WASHC2A: variants seen among roughly 807,000 people sequenced by gnomAD.
The protein encoded by WASHC2A is WASH complex subunit FAM21A.
In WASHC2A, 82 loss-of-function variants were observed where a neutral mutation model predicts 140.3. The observed-to-expected ratio is 0.58, with a 90% CI of 0.49 to 0.70. The LOEUF is 0.70. WASHC2A is among the 30% of genes least tolerant of loss of function. WASHC2A has a pLI of 0.00. For synonymous variants in WASHC2A, 340 were observed against 560.8 expected, an observed-to-expected ratio of 0.61 and a Z score of 5.56; for missense variants, 985 against 1,521.8, an observed-to-expected ratio of 0.65 and a Z score of 5.87.
At chr10:50,106,539 T>C (rs1400123604) in intron 19 of WASHC2A, 74 bp downstream of exon 19, 3 of 1,591,128 alleles carry the variant, frequency 1.9e-6, no homozygotes, top group African/African-American at 2.7e-5. Context: ...CCCAAGTCTT[T>C]TTCTACCTGT....
At chr10:50,083,305 T>C (rs1554880146) in intron 5 of WASHC2A, among the ~76,000 whole-genome samples, 1 of 116,948 alleles carries the variant, frequency 8.6e-6, no homozygotes, top group Non-Finnish European at 1.7e-5. Flanking sequence ...CGGCCTAATC[T>C]ATTTTTATAT....
Position 50,127,444 on chromosome 10 carries a change from T to A in WASHC2A, c.2875-139T>A. On this transcript the variant is annotated intron_variant, in intron 27 of 30. Transcript: ENST00000282633. ...AGACGCTCTGTTTTAATTCTGAGAC[T>A]AGATCGGGCGATTTTCCTACGTTTC... 3 of 1,599,150 alleles carry A rather than the reference T, an allele frequency of 1.9e-6. No individual in the cohort carries two copies. In the East Asian group the frequency reaches 6.7e-5, roughly 36 times the overall value.
intron 30 of WASHC2A, 138 bp from the exon 31 acceptor site, chr10:50,132,668 G>A: frequency 7.1e-7 from 1 of 1,417,368 alleles, no homozygotes; most frequent in South Asian, 1.2e-5. Context: ...AATCTAAGAG[G>A]CTTGAGTTCT....
chr10:50,100,467 G>A (rs1380605642), intron 17 of WASHC2A, among the ~76,000 whole-genome samples: 1 of 152,212 alleles, frequency 6.6e-6, no homozygotes, highest in Non-Finnish European at 1.5e-5. Context: ...GGGCGACAGA[G>A]CGAGACTTCA....
rs1206436267 is a variant in WASHC2A at position 50,133,479 on chromosome 10, G to A, written c.*534G>A. On this transcript the variant is annotated 3_prime_UTR_variant, in exon 31 of 31. Coordinates refer to ENST00000282633, the MANE Select transcript of WASHC2A (RefSeq NM_001005751.3). Reference sequence around the variant, plus strand: ...TGTGGCCCCCCCACTGTCATATTTTGTTAATAAAATTTTATTGGAACACAA... The same window carrying A: ...TGTGGCCCCCCCACTGTCATATTTTATTAATAAAATTTTATTGGAACACAA... The A allele has an allele frequency of 2.1e-6, 1 of 469,320 alleles. No individual in the cohort carries two copies. The highest frequency in any genetic ancestry group is 4.4e-6 in the Non-Finnish European group (1 of 227,128). The allele number at this position is 469,320 out of a possible 1,614,324, so 29.1% of individuals were successfully genotyped here. A position where few individuals can be genotyped will look rare whatever the true frequency, so the allele number is the denominator to read the frequency against.
Position 50,110,750 on chromosome 10 carries a change from G to A in WASHC2A, c.2039+480G>A, listed in dbSNP as rs1310127032. Among the ~76,000 whole-genome samples the A allele has an allele frequency of 7.7e-4, 116 of 151,478 alleles. 1 individual carries two copies. The highest frequency in any genetic ancestry group is 9.1e-4 in the Non-Finnish European group (62 of 67,798). Reference sequence around the variant, plus strand: ...TACTAAAAAAATATAAAAATTAGCCGGGTGTGGTGGCACGCGCCTGTAGTC... The same window carrying A: ...TACTAAAAAAATATAAAAATTAGCCAGGTGTGGTGGCACGCGCCTGTAGTC... On this transcript the variant is annotated intron_variant, in intron 20 of 30. Coordinates refer to ENST00000282633, the MANE Select transcript of WASHC2A (RefSeq NM_001005751.3).
chr10:50,095,284 G>T, intron 14 of WASHC2A, 77 bp downstream of exon 14: 1 of 1,301,128 alleles, frequency 7.7e-7, no homozygotes. Flanking sequence ...ATCTTCTAAA[G>T]TCTGGCTGGA....
chr10:50,076,597 C>T (rs1464676898), intron 3 of WASHC2A, among the ~76,000 whole-genome samples: 1 of 152,180 alleles, frequency 6.6e-6, no homozygotes. Context: ...CACATTTGTG[C>T]ATAGAATCTG....
intron 3 of WASHC2A, among the ~76,000 whole-genome samples, chr10:50,072,481 C>CTT (rs11440968): frequency 0.2 from 18,197 of 90,250 alleles, 4,086 homozygotes; most frequent in East Asian, 0.56. Context: ...AGTGATCTGG[C>CTT]TTTTTTTTTT....
Position 50,084,090 on chromosome 10 carries a change from C to T in WASHC2A, c.547C>T (p.Pro183Ser). Residue 183 changes from proline to serine, a missense_variant, in exon 6 of 31, where the codon CCT (proline) becomes TCT (serine). By Grantham distance (74) the Pro-to-Ser change is moderately conservative. Coordinates refer to ENST00000282633, the MANE Select transcript of WASHC2A (RefSeq NM_001005751.3). ...LEPKDLYIDR[P>S]LPYLIGSKLF... ...TGTACAGGATCTATACATTGATCGT[C>T]CTTTACCATATCTCATTGGGTCAAA... 5 of 1,611,494 alleles carry T rather than the reference C, an allele frequency of 3.1e-6. No homozygotes were observed. The highest frequency in any genetic ancestry group is 3.4e-6 in the Non-Finnish European group (4 of 1,179,824).
At chr10:50,125,329 T>C in intron 24 of WASHC2A, 40 bp from the exon 25 acceptor site, 6 of 1,596,786 alleles carry the variant, frequency 3.8e-6, no homozygotes, top group Non-Finnish European at 5.1e-6. Flanking sequence ...TGTAAATTGT[T>C]TTGCTTTTGG....
chr10:50,109,740 C>T (rs1201542391), intron 19 of WASHC2A, among the ~76,000 whole-genome samples: 3 of 152,106 alleles, frequency 2.0e-5, no homozygotes, highest in Non-Finnish European at 2.9e-5. Flanking sequence ...GATTTTACTC[C>T]CCATGTTTTA....
chr10:50,077,578 AG>A (rs1838480210), intron 3 of WASHC2A, among the ~76,000 whole-genome samples: 1 of 152,152 alleles, frequency 6.6e-6, no homozygotes, highest in Non-Finnish European at 1.5e-5. Flanking sequence ...CTGTACTCAA[AG>A]TTTTATAATC....
intron 17 of WASHC2A, among the ~76,000 whole-genome samples, chr10:50,100,460 C>T (rs1319295665): frequency 8.5e-5 from 13 of 152,082 alleles, no homozygotes; most frequent in Non-Finnish European, 1.5e-4. Context: ...CCAGTCTGGG[C>T]GACAGAGCGA....
chr10:50,081,724 C>T (rs1838901333), intron 5 of WASHC2A, among the ~76,000 whole-genome samples: 1 of 151,854 alleles, frequency 6.6e-6, no homozygotes, highest in South Asian at 2.1e-4. Context: ...CCTCTGCCTC[C>T]TGGGTTCAAG....
At chr10:50,092,990 C>A (rs1296546242) in intron 11 of WASHC2A, among the ~76,000 whole-genome samples, 4 of 56,764 alleles carry the variant, frequency 7.0e-5, no homozygotes, top group East Asian at 5.1e-4. Context: ...ATGCTTGCTT[C>A]AGAGTAAAGC....
chr10:50,100,844 C>T (rs1841062082), intron 17 of WASHC2A, among the ~76,000 whole-genome samples: 1 of 152,306 alleles, frequency 6.6e-6, no homozygotes, highest in Non-Finnish European at 1.5e-5. Flanking sequence ...ACCTTAGAAC[C>T]ACCTCTCAGA....
At chr10:50,069,095 T>A (rs1837558588) in intron 2 of WASHC2A, among the ~76,000 whole-genome samples, 1 of 151,646 alleles carries the variant, frequency 6.6e-6, no homozygotes, top group South Asian at 2.1e-4. Context: ...TGAGCTTTCT[T>A]AGTGTTTTCC....
At chr10:50,076,684 A>T (rs1475305917) in intron 3 of WASHC2A, among the ~76,000 whole-genome samples, 2 of 152,076 alleles carry the variant, frequency 1.3e-5, no homozygotes, top group African/African-American at 4.8e-5. Context: ...TAATAAATAA[A>T]TAATCAGTTT....
Sources: gnomAD v4.1 joint callset for allele counts (sites outside exome capture counted in the v4.1 genomes callset) on GRCh38, gnomAD v4.1.1 for gene constraint, MANE v1.5 for transcripts, NCBI Gene and HGNC (gene_info 2026-07-23, HGNC 2026-07-21) for gene names.